C3orf20: variants seen among roughly 807,000 people sequenced by gnomAD.
C3orf20 encodes the protein uncharacterized protein C3orf20.
C3orf20 carries 76 observed loss-of-function variants against 88.3 expected under a neutral mutation model. The ratio of observed to expected loss-of-function variants is 0.86; its 90% CI spans 0.72 to 1.04. The LOEUF (loss-of-function observed/expected upper bound fraction) is 1.04. Ranked by LOEUF, C3orf20 falls within the 50% of genes least tolerant of loss-of-function variation. The pLI is 0.00. For synonymous variants in C3orf20, 436 were observed against 437.4 expected, an observed-to-expected ratio of 1.00 and a Z score of 0.04; for missense variants, 1,056 against 1,123.3, an observed-to-expected ratio of 0.94 and a Z score of 0.86.
In C3orf20 at chr3:14,728,274, G is replaced by T. The variant is rs572223974; in HGVS notation, c.1691-165G>T. Among the ~76,000 whole-genome samples the T allele has an allele frequency of 3.3e-5, 5 of 152,288 alleles. No individual in the cohort carries two copies. In the East Asian group the frequency reaches 7.7e-4, roughly 23 times the overall value. On this transcript the variant is annotated intron_variant, in intron 11 of 16. Coordinates refer to ENST00000253697, the MANE Select transcript of C3orf20 (RefSeq NM_032137.5). ...GTCACTGATGAGTGCACTGGGACAGGAGTACTGTATTGGACAGCAGAGGGG... is the reference window on the plus strand; with the variant it reads ...GTCACTGATGAGTGCACTGGGACAGTAGTACTGTATTGGACAGCAGAGGGG...
intron 12 of C3orf20, among the ~76,000 whole-genome samples, chr3:14,750,377 T>A (rs2035184668): frequency 6.6e-6 from 1 of 152,042 alleles, no homozygotes; most frequent in South Asian, 2.1e-4. Context: ...TGGTGATAAC[T>A]TGTCTCTACA....
chr3:14,729,923 A>G (rs1381287377), intron 12 of C3orf20, among the ~76,000 whole-genome samples: 2 of 152,266 alleles, frequency 1.3e-5, no homozygotes, highest in African/African-American at 4.8e-5. Context: ...TATAAAATGC[A>G]TACAGAAAAA....
chr3:14,699,495 C>G (rs2033154533), intron 5 of C3orf20, among the ~76,000 whole-genome samples: 1 of 152,208 alleles, frequency 6.6e-6, no homozygotes, highest in Non-Finnish European at 1.5e-5. Context: ...CTGGGTCCTT[C>G]CCTTCAAGGC....
chr3:14,768,358 A>G lies in C3orf20; in HGVS notation c.2496-3709A>G, dbSNP rs1375555221. The stretch of plus-strand genomic sequence containing the variant: ...TCCCTCTATGATGCTGCTCTGAGGA[A>G]CAGCAATCCACCCTTACCGGCTGCT... On this transcript the variant is annotated intron_variant, in intron 15 of 16. Coordinates refer to ENST00000253697, the MANE Select transcript of C3orf20 (RefSeq NM_032137.5). This position sits in a 1 kb window ranked among gnomAD's most constrained non-coding sequence, Gnocchi z 4.1. Among the ~76,000 whole-genome samples, 2 of 152,018 alleles carry G rather than the reference A, an allele frequency of 1.3e-5. No individual in the cohort carries two copies. The highest frequency in any genetic ancestry group is 1.3e-4 in the Admixed American group (2 of 15,278).
At chr3:14,732,240 C>T (rs905047127) in intron 12 of C3orf20, among the ~76,000 whole-genome samples, 2 of 152,230 alleles carry the variant, frequency 1.3e-5, no homozygotes, top group Non-Finnish European at 2.9e-5. Context: ...TCCCTAATAA[C>T]TAAAGTTGTT....
At chr3:14,761,743 GCT>G in intron 15 of C3orf20, 128 bp downstream of exon 15, 4 of 814,262 alleles carry the variant, frequency 4.9e-6, no homozygotes, top group East Asian at 3.2e-5. Context: ...GGGGAGGGGG[GCT>G]GGAGGTGGGA....
Position 14,704,355 on chromosome 3 carries a change from A to C in C3orf20, c.897A>C (p.Thr299=). The change falls in exon 7 of 17, where the codon ACA becomes ACC. Residue 299 remains threonine, a synonymous_variant. Transcript: ENST00000253697. ...LCRHIEAERA[T]WKGRNISYPM... ...TCTGCAGAGAAGCTGAAAGGGCCAC[A>C]TGGAAAGGGAGGAATATCTCCTACC... The C allele has an allele frequency of 6.2e-7, 1 of 1,614,114 alleles. No homozygotes were observed. The highest frequency in any genetic ancestry group is 8.5e-7 in the Non-Finnish European group (1 of 1,179,992).
intron 12 of C3orf20, among the ~76,000 whole-genome samples, chr3:14,749,466 C>T (rs2035157336): frequency 6.6e-6 from 1 of 152,188 alleles, no homozygotes; most frequent in Non-Finnish European, 1.5e-5. Flanking sequence ...CATGCTACTG[C>T]ATGCAGCTTT....
At chr3:14,756,125 A>G (rs887778423) in intron 12 of C3orf20, among the ~76,000 whole-genome samples, 4 of 150,760 alleles carry the variant, frequency 2.7e-5, no homozygotes, top group African/African-American at 7.3e-5. Context: ...GACAATGTCT[A>G]TTCCAAGACT....
chr3:14,756,843 CG>C (rs965109993), intron 12 of C3orf20, among the ~76,000 whole-genome samples: 10 of 152,156 alleles, frequency 6.6e-5, no homozygotes, highest in Non-Finnish European at 1.2e-4. Flanking sequence ...AGAAAGCCAC[CG>C]GAGGGTTTTG....
chr3:14,698,797 G>A lies in C3orf20; in HGVS notation c.746-4333G>A, dbSNP rs1273409043. Reference sequence around the variant, plus strand: ...TGACTACTGCCTATATTTGCTCAAGGCCCTAGGGATCTACAATCAGCAGGT... The same window carrying A: ...TGACTACTGCCTATATTTGCTCAAGACCCTAGGGATCTACAATCAGCAGGT... On this transcript the variant is annotated intron_variant, in intron 5 of 16. Transcript: ENST00000253697. Among the ~76,000 whole-genome samples, 4 of 152,180 alleles carry A rather than the reference G, an allele frequency of 2.6e-5. No individual in the cohort carries two copies. The South Asian group carries it at 6.2e-4, about 24-fold the overall frequency.
intron 12 of C3orf20, among the ~76,000 whole-genome samples, chr3:14,750,321 A>G (rs1307807862): frequency 6.6e-6 from 1 of 152,176 alleles, no homozygotes; most frequent in African/African-American, 2.4e-5. Flanking sequence ...AGGCGTAGGC[A>G]GGCAGATCTC....
chr3:14,718,147 C>T (rs1292486112), intron 9 of C3orf20, among the ~76,000 whole-genome samples: 2 of 152,112 alleles, frequency 1.3e-5, no homozygotes, highest in Non-Finnish European at 2.9e-5. Flanking sequence ...TTCCCCTTTT[C>T]TTCTGAGACT....
rs368451448 is a variant in C3orf20 at position 14,683,150 on chromosome 3, C to T, written c.437C>T (p.Thr146Met). The T allele has an allele frequency of 3.9e-5, 63 of 1,611,926 alleles. No homozygotes were observed. In the East Asian group the frequency reaches 4.2e-4, roughly 11 times the overall value. The change falls in exon 3 of 17, where the codon ACG becomes ATG. Residue 146 changes from threonine (T) to methionine (M), a missense_variant. Coordinates refer to ENST00000253697, the MANE Select transcript of C3orf20 (RefSeq NM_032137.5). ...RFQQQSIHLL[T>M]ELLRLKMKAM... is the part of the protein sequence containing the mutation. ...CAGCAGCAGTCCATCCACCTGCTGA[C>T]GGAGCTCCTCAGACTGAAGATGAAG...
chr3:14,724,764 C>A (rs2034289928), intron 10 of C3orf20, among the ~76,000 whole-genome samples: 1 of 152,124 alleles, frequency 6.6e-6, no homozygotes, highest in African/African-American at 2.4e-5. Context: ...AATGTGCTAA[C>A]TAGGACATTT....
rs2031693071 is a variant in C3orf20 at position 14,675,233 on chromosome 3, T to TA, written c.-312dup. The TA allele has an allele frequency of 6.6e-6, 1 of 152,172 alleles. No homozygotes were observed. The highest frequency in any genetic ancestry group is 1.5e-5 in the Non-Finnish European group (1 of 68,032). The allele number at this position is 152,172 out of a possible 1,614,324, so 9.4% of individuals were successfully genotyped here. A position where few individuals can be genotyped will look rare whatever the true frequency, so the allele number is the denominator to read the frequency against. ...TCGGTTATTCGGCAAGCAGTTCCTA[T>TA]AAAAAACTACATGGCTAAGGTGAGT... On this transcript the variant is annotated 5_prime_UTR_variant, in exon 1 of 17. Coordinates refer to ENST00000253697, the MANE Select transcript of C3orf20 (RefSeq NM_032137.5).
At chr3:14,706,246 C>G (rs991718279) in intron 7 of C3orf20, among the ~76,000 whole-genome samples, 6 of 152,170 alleles carry the variant, frequency 3.9e-5, no homozygotes, top group Admixed American at 3.3e-4. Flanking sequence ...ATTCATCACA[C>G]TCTGCTCGGC....
intron 5 of C3orf20, among the ~76,000 whole-genome samples, chr3:14,699,723 G>A (rs750000030): frequency 2.6e-5 from 4 of 152,222 alleles, no homozygotes; most frequent in Admixed American, 2.6e-4. Flanking sequence ...TGAGATTGGG[G>A]TGGGGGGTGT....
intron 11 of C3orf20, among the ~76,000 whole-genome samples, chr3:14,727,633 C>T (rs1301436865): frequency 2.0e-5 from 3 of 152,188 alleles, no homozygotes; most frequent in South Asian, 2.1e-4. Context: ...TGTGCTTCCC[C>T]CACTGTCTCT....
Sources: gnomAD v4.1 joint callset for allele counts (sites outside exome capture counted in the v4.1 genomes callset) on GRCh38, gnomAD v4.1.1 for gene constraint, Gnocchi (gnomAD v3.1) non-coding constraint, MANE v1.5 for transcripts, NCBI Gene and HGNC (gene_info 2026-07-23, HGNC 2026-07-21) for gene names.